BANK1: variants seen among roughly 807,000 people sequenced by gnomAD.
BANK1 encodes B-cell scaffold protein with ankyrin repeats.
A neutral mutation model predicts 94.5 loss-of-function variants in BANK1; 95 were observed. The ratio of observed to expected loss-of-function variants is 1.00; its 90% CI spans 0.85 to 1.19. BANK1 has a LOEUF of 1.19. BANK1 is among the 50% of genes most tolerant of loss of function. The pLI is 0.00. For missense variants in BANK1, 987 were observed against 932.2 expected, an observed-to-expected ratio of 1.06 and a Z score of -0.77; for synonymous variants, 334 against 308.4, an observed-to-expected ratio of 1.08 and a Z score of -0.87.
chr4:101,792,255 T>TCCCCCCCCCCCCCCCCCCCCCCCCCCC (rs771698917), intron 1 of BANK1, among the ~76,000 whole-genome samples: 4 of 128,660 alleles, frequency 3.1e-5, no homozygotes, highest in Non-Finnish European at 6.7e-5. Context: ...TGCATTCCGC[T>TCCCCCCCCCCCCCCCCCCCCCCCCCCC]CCCCCCCCGC....
chr4:101,960,992 C>A (rs1578422725), intron 7 of BANK1, among the ~76,000 whole-genome samples: 1 of 152,138 alleles, frequency 6.6e-6, no homozygotes, highest in Non-Finnish European at 1.5e-5. Flanking sequence ...ACTTGAGAAG[C>A]AAGAGAAAAG....
At chr4:101,904,487 A>T (rs746543545) in intron 6 of BANK1, among the ~76,000 whole-genome samples, 2 of 152,234 alleles carry the variant, frequency 1.3e-5, no homozygotes, top group Non-Finnish European at 2.9e-5. Context: ...TTTTAAAGGT[A>T]TAGGTTCTGG....
At chr4:101,897,787 C>T (rs1722137847) in intron 6 of BANK1, among the ~76,000 whole-genome samples, 1 of 151,902 alleles carries the variant, frequency 6.6e-6, no homozygotes, top group Non-Finnish European at 1.5e-5. Flanking sequence ...TTTCAATGGG[C>T]AGTCAAATTT....
In BANK1 at chr4:101,905,402, G is replaced by A. The variant is rs573332202; in HGVS notation, c.1009+9992G>A. The stretch of plus-strand genomic sequence containing the variant: ...AATGGCCTGAGCTGGAAATGCCCCC[G>A]TTTAGAATGGGACGGCCCCCTCACG... On this transcript the variant is annotated intron_variant, in intron 6 of 16. Transcript: ENST00000322953. Among the ~76,000 whole-genome samples, 7 of 152,276 alleles carry A rather than the reference G, an allele frequency of 4.6e-5. No individual in the cohort carries two copies. In the South Asian group the frequency reaches 8.3e-4, roughly 18 times the overall value.
At chr4:101,835,067 T>G (rs1215357398) in intron 2 of BANK1, among the ~76,000 whole-genome samples, 5 of 152,218 alleles carry the variant, frequency 3.3e-5, no homozygotes, top group Middle Eastern at 3.2e-3. Flanking sequence ...CTCTTTTCTG[T>G]GTGTTTTATA....
At chr4:101,948,557 A>C (rs1283266260) in intron 7 of BANK1, among the ~76,000 whole-genome samples, 3 of 152,120 alleles carry the variant, frequency 2.0e-5, no homozygotes, top group Non-Finnish European at 4.4e-5. Context: ...GTCTCTGTGA[A>C]TGACTCTGTT....
chr4:101,920,731 C>T (rs1221593805), intron 7 of BANK1, among the ~76,000 whole-genome samples: 2 of 151,900 alleles, frequency 1.3e-5, no homozygotes, highest in Non-Finnish European at 2.9e-5. Flanking sequence ...TTCCTAATCC[C>T]CCATCAATAA....
At chr4:102,003,934 T>A (rs1332066082) in intron 7 of BANK1, among the ~76,000 whole-genome samples, 1 of 151,524 alleles carries the variant, frequency 6.6e-6, no homozygotes, top group Non-Finnish European at 1.5e-5. Flanking sequence ...TGTATATGTG[T>A]ATATACGTAT....
intron 7 of BANK1, among the ~76,000 whole-genome samples, chr4:101,925,770 T>C (rs1216311893): frequency 6.6e-6 from 1 of 151,720 alleles, no homozygotes; most frequent in Non-Finnish European, 1.5e-5. Context: ...TTCTAAACTT[T>C]AGTTCTTTCA....
At chr4:102,010,219 CCA>C (rs1726453385) in intron 7 of BANK1, among the ~76,000 whole-genome samples, 1 of 151,576 alleles carries the variant, frequency 6.6e-6, no homozygotes, top group Non-Finnish European at 1.5e-5. Context: ...GAGCAGAGAT[CCA>C]GCCACTGCAC....
At chr4:102,010,011 A>C (rs544526726) in intron 7 of BANK1, among the ~76,000 whole-genome samples, 11 of 152,216 alleles carry the variant, frequency 7.2e-5, no homozygotes, top group Admixed American at 3.3e-4. Context: ...TCACGCCTGT[A>C]ATCCCAGCAC....
chr4:101,816,797 A>T (rs1157708482), intron 1 of BANK1, among the ~76,000 whole-genome samples: 1 of 152,200 alleles, frequency 6.6e-6, no homozygotes, highest in Non-Finnish European at 1.5e-5. Context: ...CATAACACCC[A>T]GTTTATTAAT....
At chr4:101,948,583 C>A (rs572219809) in intron 7 of BANK1, among the ~76,000 whole-genome samples, 1 of 151,998 alleles carries the variant, frequency 6.6e-6, no homozygotes, top group South Asian at 2.1e-4. Context: ...TATTTTCTCC[C>A]CACCCTTTTT....
chr4:101,827,867 C>T (rs1360477160), intron 1 of BANK1, among the ~76,000 whole-genome samples: 1 of 151,666 alleles, frequency 6.6e-6, no homozygotes, highest in African/African-American at 2.4e-5. Context: ...TTGCATATTT[C>T]AAAAAGATAC....
At chr4:101,999,525 A>G (rs777017651) in intron 7 of BANK1, among the ~76,000 whole-genome samples, 1 of 152,184 alleles carries the variant, frequency 6.6e-6, no homozygotes, top group Non-Finnish European at 1.5e-5. Context: ...TAGAGTTTAG[A>G]TTTATTCATT....
chr4:101,861,939 G>C (rs1727892572), intron 3 of BANK1, among the ~76,000 whole-genome samples: 1 of 151,798 alleles, frequency 6.6e-6, no homozygotes, highest in African/African-American at 2.4e-5. Context: ...AGAAACTTTA[G>C]ATTTATAACC....
chr4:101,857,040 A>T (rs1727704028), intron 3 of BANK1, among the ~76,000 whole-genome samples: 1 of 152,152 alleles, frequency 6.6e-6, no homozygotes, highest in South Asian at 2.1e-4. Flanking sequence ...CACTGAGTGG[A>T]AATCATGTTT....
intron 7 of BANK1, among the ~76,000 whole-genome samples, chr4:101,922,202 C>T (rs144605859): frequency 6.6e-6 from 1 of 151,898 alleles, no homozygotes; most frequent in East Asian, 1.9e-4. Context: ...CAATAATTGA[C>T]TGGGTAATAT....
intron 7 of BANK1, among the ~76,000 whole-genome samples, chr4:101,933,797 T>A (rs1461290809): frequency 6.6e-6 from 1 of 151,408 alleles, no homozygotes; most frequent in Non-Finnish European, 1.5e-5. Flanking sequence ...ACAGCTCTAT[T>A]CAGATCTCAT....
Sources: allele counts gnomAD v4.1 joint callset (sites outside exome capture counted in the v4.1 genomes callset), GRCh38; gene constraint gnomAD v4.1.1; transcripts MANE v1.5; gene names NCBI Gene and HGNC (gene_info 2026-07-23, HGNC 2026-07-21).